The following PROS1 variants were observed in gnomAD, a reference collection of about 807,000 sequenced individuals.
PROS1 encodes vitamin K-dependent protein S.
PROS1 carries 29 observed loss-of-function variants against 75.9 expected under a neutral mutation model. The observed-to-expected ratio is 0.38, with a 90% CI of 0.28 to 0.52. The LOEUF is 0.52. PROS1 is among the 20% of genes least tolerant of loss of function. The pLI is 0.83. For missense variants in PROS1, 680 were observed against 810.3 expected, an observed-to-expected ratio of 0.84 and a Z score of 1.95; for synonymous variants, 245 against 280.6, an observed-to-expected ratio of 0.87 and a Z score of 1.27.
intron 1 of PROS1, among the ~76,000 whole-genome samples, chr3:93,949,388 T>TTA (rs1254423183): frequency 6.6e-6 from 1 of 152,178 alleles, no homozygotes; most frequent in Non-Finnish European, 1.5e-5. Flanking sequence ...TATTGATACA[T>TTA]TATTGGGATG....
chr3:93,933,881 T>A (rs1709143098), intron 1 of PROS1, among the ~76,000 whole-genome samples: 1 of 151,946 alleles, frequency 6.6e-6, no homozygotes. Context: ...CGGTGGTGCG[T>A]GCTTGTAACC....
intron 3 of PROS1, among the ~76,000 whole-genome samples, chr3:93,912,251 T>C (rs2107180099): frequency 6.6e-6 from 1 of 152,202 alleles, no homozygotes; most frequent in East Asian, 1.9e-4. Context: ...GCTTTATCAT[T>C]CCATATCTGA....
chr3:93,879,038 C>A, intron 13 of PROS1, 125 bp downstream of exon 13: 1 of 1,013,702 alleles, frequency 9.9e-7, no homozygotes. Flanking sequence ...GAGATTGTGC[C>A]AAACACTTTA....
chr3:93,953,515 C>T lies in PROS1; in HGVS notation c.76+20159G>A, dbSNP rs549243936. ...CAATAGATGCAGAAAAGGCCTTCAG[C>T]AAAATTCAACAGCTCTTCATGCTAA... On this transcript the variant is annotated intron_variant, in intron 1 of 14. Coordinates refer to ENST00000394236, the MANE Select transcript of PROS1 (RefSeq NM_000313.4). Among the ~76,000 whole-genome samples the T allele has an allele frequency of 6.4e-3, 969 of 152,226 alleles. 16 individuals are homozygous for T. The highest frequency in any genetic ancestry group is 0.022 in the African/African-American group (930 of 41,538).
intron 1 of PROS1, among the ~76,000 whole-genome samples, chr3:93,968,867 G>C (rs1045830532): frequency 6.6e-6 from 1 of 152,186 alleles, no homozygotes; most frequent in Non-Finnish European, 1.5e-5. Flanking sequence ...GGAGAAATAG[G>C]AAAAGAAACA....
intron 1 of PROS1, among the ~76,000 whole-genome samples, chr3:93,936,461 A>C (rs1057009414): frequency 6.6e-6 from 1 of 152,108 alleles, no homozygotes; most frequent in Non-Finnish European, 1.5e-5. Flanking sequence ...AATAATAATA[A>C]AGGATTAGTG....
intron 1 of PROS1, among the ~76,000 whole-genome samples, chr3:93,928,017 T>A (rs1421062641): frequency 3.5e-4 from 19 of 54,566 alleles, no homozygotes; most frequent in South Asian, 2.4e-3. Context: ...ATATATTTTT[T>A]TTTTTTTTTT....
In PROS1 at chr3:93,877,156, A is replaced by T. The variant is rs199469503; in HGVS notation, c.1680T>A (p.Tyr560Ter). ...ILLSVENTVI[Y>*]RIQALSLCSD... is the part of the protein sequence containing the mutation. ...AACATAGACTTAGGGCCTGTATCCG[A>T]TATATTACAGTATTTTCAACAGATA... Residue 560 changes from tyrosine (Y) to a stop codon, truncating the protein, a stop_gained, in exon 14 of 15, where the codon TAT (tyrosine) becomes TAA (stop). Transcript: ENST00000394236. LOFTEE classifies it high-confidence loss of function. 4 of 1,609,418 alleles carry T rather than the reference A, an allele frequency of 2.5e-6. No individual in the cohort carries two copies. In the East Asian group the frequency reaches 8.9e-5, roughly 36 times the overall value.
chr3:93,901,864 T>C lies in PROS1; in HGVS notation c.602-935A>G, dbSNP rs536747913. Among the ~76,000 whole-genome samples, 3 of 152,312 alleles carry C rather than the reference T, an allele frequency of 2.0e-5. No homozygotes were observed. The East Asian group carries it at 5.8e-4, about 29-fold the overall frequency. On this transcript the variant is annotated intron_variant, in intron 6 of 14. Transcript: ENST00000394236. ...AAAATGGGGTAAAGGGTATATAGCA[T>C]CTCTCTGTATTACTTCTTACAACTT... is the stretch of plus-strand genomic sequence containing the variant.
rs144205068 is a variant in PROS1 at position 93,895,772 on chromosome 3, C to A, written c.965+804G>T. 9.0e-3 allele frequency among the ~76,000 whole-genome samples: 1,370 copies of A among 152,114 alleles called. 23 individuals are homozygous for A. The highest frequency in any genetic ancestry group is 0.031 in the African/African-American group (1,287 of 41,490). ...CTGAGGTCAGGAGTTTGAGACAACCCTGGGCAACGTGGTAAAACTCTGTCT... is the reference window on the plus strand; with the variant it reads ...CTGAGGTCAGGAGTTTGAGACAACCATGGGCAACGTGGTAAAACTCTGTCT... On this transcript the variant is annotated intron_variant, in intron 9 of 14. Transcript: ENST00000394236.
chr3:93,949,208 G>A (rs1328313392), intron 1 of PROS1, among the ~76,000 whole-genome samples: 1 of 152,176 alleles, frequency 6.6e-6, no homozygotes, highest in East Asian at 1.9e-4. Flanking sequence ...ATATTAGGCA[G>A]TGCCACACCA....
At chr3:93,930,894 C>CA (rs1709096164) in intron 1 of PROS1, among the ~76,000 whole-genome samples, 3 of 152,030 alleles carry the variant, frequency 2.0e-5, no homozygotes, top group Admixed American at 6.6e-5. Context: ...TGCTGCTTTT[C>CA]AAAAATCAGG....
intron 3 of PROS1, 99 bp downstream of exon 3, chr3:93,924,141 A>G (rs1377147173): frequency 2.4e-5 from 19 of 787,306 alleles, no homozygotes; most frequent in Non-Finnish European, 3.3e-5. Context: ...GGATAATGAA[A>G]TTACATTGGA....
chr3:93,930,387 A>G (rs1166169426), intron 1 of PROS1, among the ~76,000 whole-genome samples: 1 of 152,220 alleles, frequency 6.6e-6, no homozygotes, highest in African/African-American at 2.4e-5. Flanking sequence ...TTTGAACTTT[A>G]CAGCAACTAT....
At chr3:93,939,439 T>G (rs2107222529) in intron 1 of PROS1, among the ~76,000 whole-genome samples, 1 of 152,110 alleles carries the variant, frequency 6.6e-6, no homozygotes, top group South Asian at 2.1e-4. Flanking sequence ...GTGCTCCTCC[T>G]CAGTTTGCTC....
Position 93,952,444 on chromosome 3 carries a change from A to G in PROS1, c.76+21230T>C, listed in dbSNP as rs556473216. Among the ~76,000 whole-genome samples the G allele has an allele frequency of 1.6e-4, 24 of 152,272 alleles. 1 individual carries two copies. The South Asian group carries it at 4.8e-3, about 30-fold the overall frequency. On this transcript the variant is annotated intron_variant, in intron 1 of 14. Transcript: ENST00000394236. The stretch of plus-strand genomic sequence containing the variant: ...GAAACTCACTCAAAACCACTCAACT[A>G]CATGGAAACTGAACAACCTGCTCCT...
At chr3:93,962,404 A>G (rs1489686060) in intron 1 of PROS1, among the ~76,000 whole-genome samples, 1 of 152,192 alleles carries the variant, frequency 6.6e-6, no homozygotes, top group East Asian at 1.9e-4. Flanking sequence ...TGACTGATCC[A>G]GAACCTCTTG....
chr3:93,882,722 C>T (rs986530601), intron 12 of PROS1, among the ~76,000 whole-genome samples: 3 of 152,198 alleles, frequency 2.0e-5, no homozygotes, highest in African/African-American at 7.2e-5. Flanking sequence ...TGCTCATTCA[C>T]AGGCTCTTCT....
At chr3:93,895,227 AG>A (rs1708486473) in intron 9 of PROS1, among the ~76,000 whole-genome samples, 1 of 152,064 alleles carries the variant, frequency 6.6e-6, no homozygotes, top group East Asian at 1.9e-4. Flanking sequence ...TATCTACCCG[AG>A]GTTGGTTAAA....
Sources: gnomAD v4.1 joint callset for allele counts (sites outside exome capture counted in the v4.1 genomes callset) on GRCh38, gnomAD v4.1.1 for gene constraint, MANE v1.5 for transcripts, NCBI Gene and HGNC (gene_info 2026-07-23, HGNC 2026-07-21) for gene names.